ZMYM2: variants seen among roughly 807,000 people sequenced by gnomAD.
ZMYM2 encodes zinc finger MYM-type protein 2.
Under a neutral mutation model 162.8 loss-of-function variants are expected in ZMYM2, and 56 were observed. The observed-to-expected ratio is 0.34, with a 90% CI of 0.28 to 0.43. The LOEUF (loss-of-function observed/expected upper bound fraction) is 0.43. ZMYM2 is among the 20% of genes least tolerant of loss of function. The pLI is 1.00. For missense variants in ZMYM2, 1,275 were observed against 1,621.8 expected (o/e 0.79, Z 3.67); for synonymous variants, 510 against 541.6 (o/e 0.94, Z 0.81).
At chr13:20,041,902 A>G (rs259801) in intron 12 of ZMYM2, among the ~76,000 whole-genome samples, 146,928 of 152,254 alleles carry the variant, frequency 0.97, 71,120 homozygotes, top group South Asian at 1. Context: ...CTTCTGGCTT[A>G]TAGGGTTTCT....
chr13:19,981,992 A>T (rs1031609050), intron 2 of ZMYM2, among the ~76,000 whole-genome samples: 1 of 152,180 alleles, frequency 6.6e-6, no homozygotes, highest in Non-Finnish European at 1.5e-5. Flanking sequence ...TTATGAAATC[A>T]TGTTTCCAGA....
chr13:20,046,135 C>T (rs1234933097), intron 12 of ZMYM2, among the ~76,000 whole-genome samples: 1 of 151,502 alleles, frequency 6.6e-6, no homozygotes, highest in African/African-American at 2.4e-5. Flanking sequence ...CCCTATAGTC[C>T]CAGATACTCA....
At chr13:20,061,268 G>T in intron 17 of ZMYM2, 44 bp downstream of exon 17, 2 of 1,581,084 alleles carry the variant, frequency 1.3e-6, no homozygotes, top group South Asian at 1.2e-5. Flanking sequence ...TGTTAACATT[G>T]GTTATTTATA....
the ZMYM2 span, among the ~76,000 whole-genome samples, chr13:19,944,778 TC>T: frequency 6.6e-5 from 10 of 152,088 alleles, no homozygotes; most frequent in African/African-American, 1.9e-4. Context: ...CAAGCAATTC[TC>T]CCTGCCTCAG....
At chr13:19,898,768 T>TAA in the ZMYM2 span, among the ~76,000 whole-genome samples, 3 of 150,366 alleles carry the variant, frequency 2.0e-5, no homozygotes, top group African/African-American at 4.9e-5. Context: ...TCTACAAAAA[T>TAA]AAAAAAAAAT....
the ZMYM2 span, among the ~76,000 whole-genome samples, chr13:19,897,749 T>G: frequency 2.6e-5 from 4 of 152,082 alleles, no homozygotes; most frequent in East Asian, 7.7e-4. Flanking sequence ...TTATGATATG[T>G]GTATATATTA....
chr13:19,904,073 T>C, the ZMYM2 span, among the ~76,000 whole-genome samples: 11 of 152,052 alleles, frequency 7.2e-5, no homozygotes, highest in African/African-American at 1.4e-4. Context: ...ACCCTTTGCC[T>C]TCCCATTAAA....
intron 19 of ZMYM2, 74 bp from the exon 20 acceptor site, chr13:20,066,777 G>A: frequency 7.3e-7 from 1 of 1,370,204 alleles, no homozygotes; most frequent in Admixed American, 3.1e-5. Flanking sequence ...CCTTTGTTGA[G>A]AGATGGCTTG....
chr13:19,876,841 TG>T, the ZMYM2 span, among the ~76,000 whole-genome samples: 1 of 152,186 alleles, frequency 6.6e-6, no homozygotes, highest in Non-Finnish European at 1.5e-5. Flanking sequence ...ACTTTCTGTA[TG>T]TATGAATTTG....
the ZMYM2 span, among the ~76,000 whole-genome samples, chr13:19,917,343 C>G: frequency 6.6e-6 from 1 of 152,054 alleles, no homozygotes; most frequent in African/African-American, 2.4e-5. Context: ...AATCCCTGCA[C>G]TTTGAGGGGC....
chr13:19,885,271 C>T, the ZMYM2 span, among the ~76,000 whole-genome samples: 1 of 151,952 alleles, frequency 6.6e-6, no homozygotes, highest in Admixed American at 6.6e-5. Flanking sequence ...GAGACCCTGT[C>T]TTAAAAAAAA....
At chr13:20,012,883 C>G (rs371012032) in intron 6 of ZMYM2, among the ~76,000 whole-genome samples, 4 of 152,156 alleles carry the variant, frequency 2.6e-5, no homozygotes, top group African/African-American at 9.7e-5. Context: ...GTTTTGAAAT[C>G]AGGAAATGTG....
At chr13:19,868,596 A>G in the ZMYM2 span, among the ~76,000 whole-genome samples, 1 of 152,154 alleles carries the variant, frequency 6.6e-6, no homozygotes, top group African/African-American at 2.4e-5. Context: ...TAGGCTTTTC[A>G]GGGAACAGAG....
At chr13:20,067,154 C>G (rs1256499675) in intron 20 of ZMYM2, 85 bp from the exon 21 acceptor site, 1 of 1,399,004 alleles carries the variant, frequency 7.1e-7, no homozygotes, top group African/African-American at 1.5e-5. Flanking sequence ...CTTCAGAGCT[C>G]TTACAAAGAA....
intron 6 of ZMYM2, among the ~76,000 whole-genome samples, chr13:20,018,341 T>C (rs1022439903): frequency 1.3e-5 from 2 of 152,202 alleles, no homozygotes; most frequent in Admixed American, 6.5e-5. Context: ...GTTAAATAAA[T>C]AGGTGGGAGT....
the ZMYM2 span, among the ~76,000 whole-genome samples, chr13:19,934,767 C>CTTT: frequency 4.8e-3 from 707 of 147,328 alleles, 15 homozygotes; most frequent in African/African-American, 0.018. Context: ...TTCTTTCTTT[C>CTTT]TTTCTTTTTT....
chr13:20,010,965 T>G (rs1288113478), intron 6 of ZMYM2, among the ~76,000 whole-genome samples: 2 of 152,144 alleles, frequency 1.3e-5, no homozygotes, highest in Non-Finnish European at 2.9e-5. Context: ...TGATATGTAA[T>G]ACTTGTATAT....
At chr13:20,063,222 GTGAAACAC>G (rs1459256675) in intron 18 of ZMYM2, among the ~76,000 whole-genome samples, 2 of 151,836 alleles carry the variant, frequency 1.3e-5, no homozygotes, top group Non-Finnish European at 2.9e-5. Context: ...GGGCAATGTG[GTGAAACAC>G]TGTCTCTACT....
chr13:19,981,410 C>T (rs1957316398), intron 2 of ZMYM2, among the ~76,000 whole-genome samples: 1 of 152,152 alleles, frequency 6.6e-6, no homozygotes, highest in Admixed American at 6.5e-5. Flanking sequence ...CCAGTTGGAG[C>T]CTATTCATGT....
Sources: gnomAD v4.1 joint callset for allele counts (sites outside exome capture counted in the v4.1 genomes callset) on GRCh38, gnomAD v4.1.1 for gene constraint, MANE v1.5 for transcripts, NCBI Gene and HGNC (gene_info 2026-07-23, HGNC 2026-07-21) for gene names.